The following PFKP variants were observed in gnomAD, a reference collection of about 807,000 sequenced individuals.
The protein encoded by PFKP is ATP-dependent 6-phosphofructokinase, platelet type.
Under a neutral mutation model 94.3 loss-of-function variants are expected in PFKP, and 101 were observed. That is an observed-to-expected ratio of 1.07 (90% confidence interval 0.91 to 1.26). The LOEUF is 1.26. Ranked by LOEUF, PFKP falls within the 50% of genes most tolerant of loss-of-function variation. PFKP has a pLI of 0.00. For synonymous variants in PFKP, 573 were observed against 432.6 expected, an observed-to-expected ratio of 1.32 and a Z score of -4.03; for missense variants, 1,145 against 1,103.3, an observed-to-expected ratio of 1.04 and a Z score of -0.53.
At position 3,109,429 on chromosome 10, in the gene PFKP, A is replaced by T; in HGVS notation, c.1038A>T (p.Ser346=). ...ATPDTPACVV[S]LNGNHAVRLP... The stretch of plus-strand genomic sequence containing the variant: ...CGGACACCCCAGCTTGCGTCGTGTC[A>T]CTGAACGGGAACCACGCCGTGCGCC... Residue 346 remains serine (S), a synonymous_variant, in exon 10 of 22, where the codon TCA becomes TCT. Transcript: ENST00000381125. The T allele has an allele frequency of 6.2e-7, 1 of 1,609,082 alleles. No individual in the cohort carries two copies.
At chr10:3,118,912 C>G (rs199816665) in intron 15 of PFKP, 43 bp downstream of exon 15, 3 of 1,471,240 alleles carry the variant, frequency 2.0e-6, no homozygotes, top group Non-Finnish European at 1.9e-6. Context: ...AGGTGTGAGC[C>G]GCGCCCTGTG....
At chr10:3,097,287 A>C (rs1285223127) in intron 2 of PFKP, among the ~76,000 whole-genome samples, 1 of 151,898 alleles carries the variant, frequency 6.6e-6, no homozygotes, top group Non-Finnish European at 1.5e-5. Context: ...TTGTGTGGAC[A>C]GAGCATCCGC....
At chr10:3,095,356 A>T (rs1475355465) in intron 2 of PFKP, among the ~76,000 whole-genome samples, 1 of 118,382 alleles carries the variant, frequency 8.4e-6, no homozygotes, top group African/African-American at 2.6e-5. Flanking sequence ...ACATGGTTAG[A>T]AGGCTGGTTA....
intron 1 of PFKP, among the ~76,000 whole-genome samples, chr10:3,072,169 C>T (rs1049462069): frequency 6.6e-5 from 10 of 152,248 alleles, no homozygotes; most frequent in Non-Finnish European, 1.3e-4. Context: ...AGGAATTCAA[C>T]CCTCTCTAAT....
Position 3,109,301 on chromosome 10 carries a change from A to C in PFKP, c.964-54A>C, listed in dbSNP as rs955922089. 1.1e-5 allele frequency: 18 copies of C among 1,600,614 alleles called. No homozygotes were observed. The South Asian group carries it at 2.0e-4, about 18-fold the overall frequency. On this transcript the variant is annotated intron_variant, in intron 9 of 21. Coordinates refer to ENST00000381125, the MANE Select transcript of PFKP (RefSeq NM_002627.5). Reference sequence around the variant, plus strand: ...ACGTCATGGAAAGATAGGAGGTGACAGGGACAGGGCAGGACGGGAGGCTGC... The same window carrying C: ...ACGTCATGGAAAGATAGGAGGTGACCGGGACAGGGCAGGACGGGAGGCTGC...
chr10:3,099,127 C>A, intron 2 of PFKP, 148 bp from the exon 3 acceptor site: 1 of 655,092 alleles, frequency 1.5e-6, no homozygotes. Flanking sequence ...CTGCTTTTAT[C>A]CAGTGCTGGA....
At chr10:3,133,840 C>T (rs1434355770) in intron 19 of PFKP, among the ~76,000 whole-genome samples, 1 of 152,196 alleles carries the variant, frequency 6.6e-6, no homozygotes, top group East Asian at 1.9e-4. Context: ...TTCATGAAAA[C>T]AGTGATACCC....
At chr10:3,117,493 A>G (rs1836953651) in intron 14 of PFKP, among the ~76,000 whole-genome samples, 1 of 152,188 alleles carries the variant, frequency 6.6e-6, no homozygotes, top group African/African-American at 2.4e-5. Flanking sequence ...TGGCAAATAT[A>G]ATAAATGATG....
At chr10:3,132,354 C>G (rs2131724849) in intron 17 of PFKP, 26 bp from the exon 18 acceptor site, 7 of 1,565,178 alleles carry the variant, frequency 4.5e-6, no homozygotes, top group Non-Finnish European at 6.2e-6. Flanking sequence ...AGTTTATTGT[C>G]TGATTAACAA....
chr10:3,111,131 AGTGT>A (rs924611598), intron 10 of PFKP, among the ~76,000 whole-genome samples: 1 of 99,308 alleles, frequency 1.0e-5, no homozygotes, highest in African/African-American at 3.7e-5. Flanking sequence ...TGTTTGAGAT[AGTGT>A]GTGCATGTCT....
chr10:3,079,392 G>A (rs188903614), intron 1 of PFKP, among the ~76,000 whole-genome samples: 382 of 151,974 alleles, frequency 2.5e-3, no homozygotes, highest in African/African-American at 8.9e-3. Context: ...CCGCCACCAC[G>A]CCTGGCTAAT....
chr10:3,084,741 G>GAGTCCTCCAGCCCCTCCCCAGGAC (rs1833364931), intron 2 of PFKP, among the ~76,000 whole-genome samples: 1 of 114,134 alleles, frequency 8.8e-6, no homozygotes, highest in Non-Finnish European at 2.0e-5. Context: ...CTCCCCAGGA[G>GAGTCCTCCAGCCCCTCCCCAGGAC]AGTCCTCCAG....
chr10:3,134,136 T>C (rs1838929303), intron 19 of PFKP, among the ~76,000 whole-genome samples: 1 of 152,246 alleles, frequency 6.6e-6, no homozygotes, highest in Admixed American at 6.5e-5. Flanking sequence ...AGTAGGCATA[T>C]GTGTGATCTT....
chr10:3,133,082 A>ATGTAGAATC, intron 18 of PFKP, 121 bp from the exon 19 acceptor site: 1 of 733,256 alleles, frequency 1.4e-6, no homozygotes, highest in Non-Finnish European at 2.5e-6. Flanking sequence ...ACTGGTGTTG[A>ATGTAGAATC]TGTAGAATCA....
intron 13 of PFKP, 68 bp downstream of exon 13, chr10:3,113,586 G>T (rs533533730): frequency 1.4e-6 from 2 of 1,456,214 alleles, no homozygotes; most frequent in South Asian, 1.2e-5. Context: ...GTGGCGGCGG[G>T]GGGGTGCCCT....
At chr10:3,118,658 G>A (rs1837076824) in intron 14 of PFKP, 124 bp from the exon 15 acceptor site, 7 of 639,698 alleles carry the variant, frequency 1.1e-5, no homozygotes, top group South Asian at 1.9e-5. Flanking sequence ...AAAGGCAGAC[G>A]TTTACCGCTC....
At chr10:3,107,108 C>A in intron 7 of PFKP, 106 bp from the exon 8 acceptor site, 1 of 702,800 alleles carries the variant, frequency 1.4e-6, no homozygotes, top group East Asian at 2.6e-5. Context: ...AGATTCCTGC[C>A]CAGAAAGAGG....
At chr10:3,116,742 A>G (rs1407651493) in intron 13 of PFKP, 34 bp from the exon 14 acceptor site, 26 of 1,546,184 alleles carry the variant, frequency 1.7e-5, no homozygotes, top group Non-Finnish European at 2.1e-5. Flanking sequence ...TTCATTGTTC[A>G]CTTTAGCTGT....
intron 2 of PFKP, among the ~76,000 whole-genome samples, chr10:3,084,879 T>C (rs1296263194): frequency 0.01 from 85 of 8,194 alleles, no homozygotes; most frequent in African/African-American, 0.035. Flanking sequence ...CACTCCACTC[T>C]CCAGCACGGT....
Sources: allele counts gnomAD v4.1 joint callset (sites outside exome capture counted in the v4.1 genomes callset), GRCh38; gene constraint gnomAD v4.1.1; transcripts MANE v1.5; gene names NCBI Gene and HGNC (gene_info 2026-07-23, HGNC 2026-07-21).